Variants in HMMR observed in about 807,000 individuals in gnomAD.
HMMR encodes the protein intracellular hyaluronic acid-binding protein.
In HMMR, 108 loss-of-function variants were observed where a neutral mutation model predicts 101.0. The ratio of observed to expected loss-of-function variants is 1.07; its 90% confidence interval spans 0.92 to 1.25. HMMR has a LOEUF of 1.25. Ranked by LOEUF, HMMR falls within the 50% of genes most tolerant of loss-of-function variation. The pLI, the probability that HMMR is intolerant of heterozygous loss-of-function variation, is 0.00. For missense variants in HMMR, 813 were observed against 788.7 expected (o/e 1.03, Z -0.37); for synonymous variants, 296 against 276.4 (o/e 1.07, Z -0.70).
chr5:163,480,912 T>A (rs1199022360), intron 12 of HMMR, among the ~76,000 whole-genome samples: 1 of 152,158 alleles, frequency 6.6e-6, no homozygotes, highest in Non-Finnish European at 1.5e-5. Context: ...TTTCTTCTGA[T>A]GAGTGGAAAT....
At position 163,460,661 on chromosome 5, in the gene HMMR, G is replaced by T. The variant is rs1487258202; in HGVS notation, c.-32G>T. ...CGCATTCAGTTGTCGAGGAGTGCCA[G>T]TCACCTTCAGTTTCTGGAGCTGGCC... On this transcript the variant is annotated 5_prime_UTR_variant, in exon 1 of 18. Transcript: ENST00000393915. 1 of 1,590,918 alleles carries T rather than the reference G, an allele frequency of 6.3e-7. No individual in the cohort carries two copies. The highest frequency in any genetic ancestry group is 8.6e-7 in the Non-Finnish European group (1 of 1,166,744).
At chr5:163,471,848 A>G (rs949931194) in intron 7 of HMMR, among the ~76,000 whole-genome samples, 5 of 152,126 alleles carry the variant, frequency 3.3e-5, no homozygotes, top group Admixed American at 1.3e-4. Context: ...GTAAGTATTC[A>G]GTTTGGTGAC....
At chr5:163,487,570 T>G (rs1047281720) in intron 16 of HMMR, among the ~76,000 whole-genome samples, 1 of 152,174 alleles carries the variant, frequency 6.6e-6, no homozygotes, top group Non-Finnish European at 1.5e-5. Flanking sequence ...TTGTGAATAT[T>G]TTTTGGTTAC....
chr5:163,482,577 A>C, intron 12 of HMMR, 65 bp from the exon 13 acceptor site: 1 of 1,152,994 alleles, frequency 8.7e-7, no homozygotes, highest in Non-Finnish European at 1.3e-6. Context: ...GTGTAAACTA[A>C]TCAGTTATGA....
chr5:163,470,625 GAC>G (rs1012537831), intron 5 of HMMR, among the ~76,000 whole-genome samples: 19 of 152,110 alleles, frequency 1.2e-4, no homozygotes, highest in African/African-American at 4.6e-4. Flanking sequence ...CAGCCTGGGT[GAC>G]AGAGTGAGAC....
At chr5:163,463,413 GC>G (rs2113452482) in intron 1 of HMMR, among the ~76,000 whole-genome samples, 1 of 152,270 alleles carries the variant, frequency 6.6e-6, no homozygotes, top group African/African-American at 2.4e-5. Context: ...ATTGATATTA[GC>G]CAGAGATGGA....
At chr5:163,469,875 A>C in intron 5 of HMMR, 46 bp downstream of exon 5, 1 of 1,391,554 alleles carries the variant, frequency 7.2e-7, no homozygotes, top group Non-Finnish European at 1.0e-6. Flanking sequence ...AAATATAAAC[A>C]CGTTTTTTAG....
chr5:163,462,715 C>T (rs1758577731), intron 1 of HMMR, among the ~76,000 whole-genome samples: 1 of 151,160 alleles, frequency 6.6e-6, no homozygotes, highest in African/African-American at 2.4e-5. Flanking sequence ...GTAATCCCAG[C>T]TACTCGGGAG....
intron 4 of HMMR, among the ~76,000 whole-genome samples, chr5:163,469,244 G>A (rs6866310): frequency 0.087 from 13,239 of 151,732 alleles, 770 homozygotes; most frequent in African/African-American, 0.18. Context: ...CGTGCTGGTA[G>A]TCCCAGCTAT....
At chr5:163,490,242 A>G (rs1759641546) in intron 16 of HMMR, 148 bp from the exon 17 acceptor site, 2 of 512,726 alleles carry the variant, frequency 3.9e-6, no homozygotes. Context: ...TTTGTAATTC[A>G]GTCTTAAAGC....
intron 11 of HMMR, among the ~76,000 whole-genome samples, chr5:163,476,887 C>T (rs1561642328): frequency 6.6e-6 from 1 of 152,060 alleles, no homozygotes; most frequent in Non-Finnish European, 1.5e-5. Flanking sequence ...GTAAATTAGC[C>T]TGGCATCGTG....
intron 11 of HMMR, among the ~76,000 whole-genome samples, chr5:163,476,148 A>G (rs760905764): frequency 1.4e-4 from 21 of 151,976 alleles, no homozygotes; most frequent in Non-Finnish European, 3.1e-4. Context: ...CCTCGTCTCT[A>G]CTAAAAATTA....
intron 1 of HMMR, among the ~76,000 whole-genome samples, chr5:163,461,096 G>GTAT (rs768659809): frequency 9.9e-4 from 151 of 152,304 alleles, no homozygotes; most frequent in Admixed American, 3.8e-3. Flanking sequence ...GAACACTGGA[G>GTAT]TATTACTTGT....
chr5:163,484,311 TA>T, intron 16 of HMMR, 66 bp downstream of exon 16: 1 of 749,792 alleles, frequency 1.3e-6, no homozygotes, highest in Non-Finnish European at 2.1e-6. Context: ...CTATAATACT[TA>T]AATAAAATGA....
At chr5:163,473,330 C>A in intron 8 of HMMR, 49 bp from the exon 9 acceptor site, 1 of 1,526,302 alleles carries the variant, frequency 6.6e-7, no homozygotes, top group Non-Finnish European at 9.0e-7. Context: ...CTGTTATTTT[C>A]CCTGTGCCTA....
Position 163,471,383 on chromosome 5 carries a change from A to G in HMMR, c.570A>G (p.Glu190=), listed in dbSNP as rs535193481. 50 of 1,614,164 alleles carry G rather than the reference A, an allele frequency of 3.1e-5. No homozygotes were observed. In the South Asian group the frequency reaches 4.9e-4, roughly 16 times the overall value. Reference sequence around the variant, plus strand: ...TGTAGGGTATGATGGCTAAGCAAGAAGGCATGGAGATGAAGCTGCAGGTCA... The same window carrying G: ...TGTAGGGTATGATGGCTAAGCAAGAGGGCATGGAGATGAAGCTGCAGGTCA... ...TKMRGMMAKQ[E]GMEMKLQVTQ... The change falls in exon 7 of 18, where the codon GAA becomes GAG. Residue 190 remains glutamate (E), a synonymous_variant. Transcript: ENST00000393915.
At chr5:163,461,532 C>T (rs892220720) in intron 1 of HMMR, among the ~76,000 whole-genome samples, 5 of 152,104 alleles carry the variant, frequency 3.3e-5, no homozygotes, top group Admixed American at 6.5e-5. Context: ...CGGCGGCTCA[C>T]GCCTGTAATC....
Position 163,491,754 on chromosome 5 carries a change from G to A in HMMR, c.*590G>A, listed in dbSNP as rs1010770079. ...GTATGAAATTATAATCTGTGGATTGGCCTTTAAGCCTGCATTCTTAACAAA... is the reference window on the plus strand; with the variant it reads ...GTATGAAATTATAATCTGTGGATTGACCTTTAAGCCTGCATTCTTAACAAA... On this transcript the variant is annotated 3_prime_UTR_variant, in exon 18 of 18. Transcript: ENST00000393915. 2.6e-5 allele frequency: 4 copies of A among 152,052 alleles called. No individual in the cohort carries two copies. The highest frequency in any genetic ancestry group is 2.9e-5 in the Non-Finnish European group (2 of 68,014). 9.4% of individuals were successfully genotyped at this position (152,052 alleles called of 1,614,324 possible).
At chr5:163,464,967 C>A in intron 3 of HMMR, 165 bp downstream of exon 3, 1 of 585,920 alleles carries the variant, frequency 1.7e-6, no homozygotes, top group South Asian at 2.2e-5. Context: ...TTTTACATTT[C>A]TGCCTAGGTC....
Sources: gnomAD v4.1 joint callset for allele counts (sites outside exome capture counted in the v4.1 genomes callset) on GRCh38, gnomAD v4.1.1 for gene constraint, MANE v1.5 for transcripts, NCBI Gene and HGNC (gene_info 2026-07-23, HGNC 2026-07-21) for gene names.